Variants in ZNF384 observed in about 807,000 individuals in gnomAD.
ZNF384 encodes zinc finger protein 384, also known as CAG repeat protein 1.
Under a neutral mutation model 65.0 loss-of-function variants are expected in ZNF384, and 20 were observed. That is an observed-to-expected ratio of 0.31 (90% CI 0.22 to 0.45). ZNF384 has a LOEUF of 0.45. Among genes scored for constraint, ZNF384 ranks in the 20% least tolerant of loss-of-function variants. The probability of loss-of-function intolerance (pLI) is 1.00; values close to 1 mark genes in which losing one functional copy is unlikely to be tolerated. For synonymous variants in ZNF384, 310 were observed against 303.9 expected (o/e 1.02, Z -0.21); for missense variants, 549 against 769.4 (o/e 0.71, Z 3.39).
chr12:6,678,638 C>G lies in ZNF384; in HGVS notation c.352+25G>C. The G allele has an allele frequency of 6.2e-7, 1 of 1,610,518 alleles. No individual in the cohort carries two copies. ...AATGGTCTCCTAACCCTTGTCCCCA[C>G]CCCCCTGGTAACAGTGAGATTTACC... On this transcript the variant is annotated intron_variant, in intron 5 of 11. Transcript: ENST00000683879. The surrounding 1 kb of genome is among the most constrained non-coding windows in gnomAD (Gnocchi z 4.9).
Position 6,672,311 on chromosome 12 carries a change from C to A in ZNF384, c.1187+39G>T, listed in dbSNP as rs1459444142. 1 of 1,588,106 alleles carries A rather than the reference C, an allele frequency of 6.3e-7. No individual in the cohort carries two copies. Among genetic ancestry groups the A allele is most frequent in the South Asian group, 1.1e-5 (1 of 88,048 alleles). On this transcript the variant is annotated intron_variant, in intron 9 of 11. Coordinates refer to ENST00000683879, the MANE Select transcript of ZNF384 (RefSeq NM_001385745.1). The surrounding 1 kb of genome is among the most constrained non-coding windows in gnomAD (Gnocchi z 4.4). ...CCGGGGCGGGGGTGGGGAGGGCATG[C>A]CAGCGGGGCGGGGTCAGTAGCCCGC...
At chr12:6,686,751 T>G (rs969859411) in intron 2 of ZNF384, among the ~76,000 whole-genome samples, 4 of 152,100 alleles carry the variant, frequency 2.6e-5, no homozygotes, top group Non-Finnish European at 5.9e-5. Flanking sequence ...ATGCCCCAAG[T>G]GCTCCTGAAA....
chr12:6,668,246 G>A (rs927554398), intron 11 of ZNF384, 131 bp from the exon 12 acceptor site: 5 of 921,394 alleles, frequency 5.4e-6, no homozygotes, highest in Non-Finnish European at 8.2e-6. Context: ...AGCCAAGACT[G>A]AGCAAAACTC....
rs529819948 is a variant in ZNF384 at position 6,679,080 on chromosome 12, G to A, written c.170C>T (p.Ala57Val). ...PHYPTLLTVP[A>V]SVSLPSGISM... ...GATGCCTGAGGGCAGGGACACTGAGGCAGGCACTGTCAGCAAGGTGGGGTA... is the reference window on the plus strand; with the variant it reads ...GATGCCTGAGGGCAGGGACACTGAGACAGGCACTGTCAGCAAGGTGGGGTA... Residue 57 changes from alanine to valine, a missense_variant, in exon 4 of 12, where the codon GCC becomes GTC. By Grantham distance (64) the Ala-to-Val change is moderately conservative. Transcript: ENST00000683879. 1 of 1,614,164 alleles carries A rather than the reference G, an allele frequency of 6.2e-7. No individual in the cohort carries two copies. The highest frequency in any genetic ancestry group is 1.3e-5 in the African/African-American group (1 of 75,046).
Position 6,667,847 on chromosome 12 carries a change from C to T in ZNF384, c.1694G>A (p.Gly565Glu). Residue 565 changes from glycine to glutamate, a missense_variant, in exon 12 of 12, where the codon GGG becomes GAG. Physicochemically the swap from Gly to Glu is moderately conservative, Grantham distance 98 (BLOSUM62 -2). Coordinates refer to ENST00000683879, the MANE Select transcript of ZNF384 (RefSeq NM_001385745.1). ...PGAAPQGGGG[G>E]DSNPNPPPQC... ...GGGTGGAGGGTTGGGATTGCTGTCC[C>T]CACCACCCCCACCCTGGGGGGCTGC... The T allele has an allele frequency of 6.2e-7, 1 of 1,614,188 alleles. No homozygotes were observed. The highest frequency in any genetic ancestry group is 8.5e-7 in the Non-Finnish European group (1 of 1,180,032).
chr12:6,685,780 A>C (rs1324995944), intron 2 of ZNF384, among the ~76,000 whole-genome samples: 1 of 150,276 alleles, frequency 6.7e-6, no homozygotes, highest in Non-Finnish European at 1.5e-5. Flanking sequence ...CAGTCTCAAA[A>C]AAAAAAAAAA....
intron 2 of ZNF384, among the ~76,000 whole-genome samples, chr12:6,684,934 T>G (rs935557017): frequency 6.6e-6 from 1 of 152,172 alleles, no homozygotes; most frequent in Non-Finnish European, 1.5e-5. Context: ...TGGAGGAAAT[T>G]TCTCCAAATC....
rs185988242 is a variant in ZNF384 at position 6,667,202 on chromosome 12, C to A, written c.*512G>T. 2 of 271,688 alleles carry A rather than the reference C, an allele frequency of 7.4e-6. No individual in the cohort carries two copies. The highest frequency in any genetic ancestry group is 1.0e-4 in the East Asian group (2 of 19,060). The allele number at this position is 271,688 out of a possible 1,614,324, so 16.8% of individuals were successfully genotyped here. A position where few individuals can be genotyped will look rare whatever the true frequency, so the allele number is the denominator to read the frequency against. On this transcript the variant is annotated 3_prime_UTR_variant, in exon 12 of 12. Transcript: ENST00000683879. ...GCAGTCAATAGGAAGCAAAGTGAGA[C>A]GATGTAGGGGAAGAAATGGCTCTCA...
intron 10 of ZNF384, 150 bp from the exon 11 acceptor site, chr12:6,669,339 G>C: frequency 2.5e-6 from 2 of 812,264 alleles, no homozygotes; most frequent in Non-Finnish European, 3.8e-6. Context: ...TGAAACTTGA[G>C]AAGCTACAGG....
At chr12:6,669,564 A>T (rs1950710881) in intron 10 of ZNF384, among the ~76,000 whole-genome samples, 1 of 151,698 alleles carries the variant, frequency 6.6e-6, no homozygotes, top group South Asian at 2.1e-4. Flanking sequence ...CAGCGGCACA[A>T]TCTCGGCTCA....
Position 6,678,855 on chromosome 12 carries a change from T to C in ZNF384, c.304+91A>G. ...ATTTGATTGAATAATCAAACACATA[T>C]CCCACTCCCCATGTCCTTGGAGCCC... On this transcript the variant is annotated intron_variant, in intron 4 of 11. Coordinates refer to ENST00000683879, the MANE Select transcript of ZNF384 (RefSeq NM_001385745.1). The surrounding 1 kb of genome is among the most constrained non-coding windows in gnomAD (Gnocchi z 4.9). 1 of 1,464,366 alleles carries C rather than the reference T, an allele frequency of 6.8e-7. No individual in the cohort carries two copies. Among genetic ancestry groups the C allele is most frequent in the East Asian group, 2.3e-5 (1 of 44,108 alleles). 90.7% of individuals were successfully genotyped at this position (1,464,366 alleles called of 1,614,324 possible).
chr12:6,674,875 C>G (rs1952910059), intron 7 of ZNF384, among the ~76,000 whole-genome samples: 1 of 152,220 alleles, frequency 6.6e-6, no homozygotes, highest in South Asian at 2.1e-4. Flanking sequence ...TGCTGATGGA[C>G]AAGCTCATGC....
Position 6,678,949 on chromosome 12 carries a change from C to T in ZNF384, c.301G>A (p.Ala101Thr). The T allele has an allele frequency of 6.2e-7, 1 of 1,613,460 alleles. No homozygotes were observed. ...VPVPSTGLMTAGVSCSQRWRR... is the reference protein window; with the variant it reads ...VPVPSTGLMTTGVSCSQRWRR... Reference sequence around the variant, plus strand: ...GGAGAAGAGCAGAGTTGCTCACCAGCAGTCATCAGTCCTGTAGACGGCACA... The same window carrying T: ...GGAGAAGAGCAGAGTTGCTCACCAGTAGTCATCAGTCCTGTAGACGGCACA... The change falls in exon 4 of 12, where the codon GCT (alanine) becomes ACT (threonine). Residue 101 changes from alanine (A) to threonine (T), a missense_variant. By Grantham distance (58) the Ala-to-Thr change is moderately conservative (BLOSUM62 0). Coordinates refer to ENST00000683879, the MANE Select transcript of ZNF384 (RefSeq NM_001385745.1). This position sits in a 1 kb window ranked among gnomAD's most constrained non-coding sequence, Gnocchi z 4.9.
At chr12:6,679,616 C>A (rs1955135066) in intron 2 of ZNF384, 91 bp from the exon 3 acceptor site, 1 of 942,256 alleles carries the variant, frequency 1.1e-6, no homozygotes, top group Admixed American at 2.0e-5. Context: ...TTCCTGGTCT[C>A]CTCTGGCACC....
chr12:6,672,673 AT>A lies in ZNF384; in HGVS notation c.1005-142del, dbSNP rs1951970877. 2 of 796,546 alleles carry A rather than the reference AT, an allele frequency of 2.5e-6. No homozygotes were observed. Among genetic ancestry groups the A allele is most frequent in the South Asian group, 3.6e-5 (2 of 55,878 alleles). 49.3% of individuals were successfully genotyped at this position (796,546 alleles called of 1,614,324 possible). On this transcript the variant is annotated intron_variant, in intron 8 of 11. Coordinates refer to ENST00000683879, the MANE Select transcript of ZNF384 (RefSeq NM_001385745.1). The surrounding 1 kb of genome is among the most constrained non-coding windows in gnomAD (Gnocchi z 4.4). Reference sequence around the variant, plus strand: ...TCCTCCCAAAAACACTCCAGCCTGGATAGGCAAATGAAGAGGACACCCAGAT... The same window carrying A: ...TCCTCCCAAAAACACTCCAGCCTGGAAGGCAAATGAAGAGGACACCCAGAT...
chr12:6,673,559 G>T lies in ZNF384; in HGVS notation c.780-119C>A. On this transcript the variant is annotated intron_variant, in intron 7 of 11. Coordinates refer to ENST00000683879, the MANE Select transcript of ZNF384 (RefSeq NM_001385745.1). The surrounding 1 kb of genome is among the most constrained non-coding windows in gnomAD (Gnocchi z 4.7). ...AGGTCTCTCCTACTCCAACTTGAGA[G>T]TAGAGCTCTATATATTCATCTTTAT... 1.3e-6 allele frequency: 1 copy of T among 745,358 alleles called. No individual in the cohort carries two copies. Among genetic ancestry groups the T allele is most frequent in the Non-Finnish European group, 2.2e-6 (1 of 452,016 alleles). 46.2% of individuals were successfully genotyped at this position (745,358 alleles called of 1,614,324 possible).
In ZNF384 at chr12:6,667,714, C is replaced by T; in HGVS notation, c.1827G>A (p.Ter609=). The T allele has an allele frequency of 6.2e-7, 1 of 1,614,122 alleles. No homozygotes were observed. The highest frequency in any genetic ancestry group is 8.5e-7 in the Non-Finnish European group (1 of 1,180,024). ...TIQVEHLASS[*] ...TCCCAGTGGGTGGCAGCACGGATCT[C>T]TAAGAGCTGGCCAGGTGCTCCACCT... Residue 609 remains the stop codon, a stop_retained_variant, in exon 12 of 12, where the codon TAG becomes TAA. Coordinates refer to ENST00000683879, the MANE Select transcript of ZNF384 (RefSeq NM_001385745.1).
chr12:6,670,046 AC>A (rs1001070266), intron 10 of ZNF384, among the ~76,000 whole-genome samples: 12 of 152,304 alleles, frequency 7.9e-5, no homozygotes, highest in African/African-American at 2.6e-4. Context: ...TTTACATGTA[AC>A]CCTTACAGAG....
At chr12:6,671,314 T>A (rs1307570217) in intron 9 of ZNF384, 1 of 156,888 alleles carries the variant, frequency 6.4e-6, no homozygotes, top group African/African-American at 2.4e-5. Context: ...TGGAGAGTAG[T>A]AGTGATATTA....
Sources: gnomAD v4.1 joint callset for allele counts (sites outside exome capture counted in the v4.1 genomes callset) on GRCh38, gnomAD v4.1.1 for gene constraint, Gnocchi (gnomAD v3.1) non-coding constraint, MANE v1.5 for transcripts, NCBI Gene and HGNC (gene_info 2026-07-23, HGNC 2026-07-21) for gene names.